Variants in FUBP3 observed in about 807,000 individuals in gnomAD.
The protein encoded by FUBP3 is far upstream element-binding protein 3.
Under a neutral mutation model 85.6 loss-of-function variants are expected in FUBP3, and 28 were observed. The observed-to-expected ratio is 0.33, with a 90% CI of 0.24 to 0.45. The LOEUF (loss-of-function observed/expected upper bound fraction) is 0.45. Among genes scored for constraint, FUBP3 ranks in the 20% least tolerant of loss-of-function variants. The probability of loss-of-function intolerance (pLI) is 1.00; values close to 1 mark genes in which losing one functional copy is unlikely to be tolerated. For missense variants in FUBP3, 583 were observed against 755.1 expected (o/e 0.77, Z 2.67); for synonymous variants, 271 against 271.4 (o/e 1.00, Z 0.01).
At chr9:130,586,137 G>T (rs1830326287) in intron 1 of FUBP3, among the ~76,000 whole-genome samples, 1 of 151,770 alleles carries the variant, frequency 6.6e-6, no homozygotes, top group African/African-American at 2.4e-5. Flanking sequence ...TAGCTGGCAT[G>T]CACCGCCACT....
intron 1 of FUBP3, among the ~76,000 whole-genome samples, chr9:130,589,463 C>T (rs562040856): frequency 6.6e-6 from 1 of 150,712 alleles, no homozygotes; most frequent in East Asian, 2.0e-4. Flanking sequence ...TCTGCCTCAG[C>T]CTCCTGAGTA....
At chr9:130,630,549 T>C (rs1830169603) in intron 12 of FUBP3, 79 bp from the exon 13 acceptor site, 1 of 1,203,628 alleles carries the variant, frequency 8.3e-7, no homozygotes, top group African/African-American at 1.6e-5. Context: ...CGAGTTGTCT[T>C]CTGGAGCCAA....
intron 2 of FUBP3, among the ~76,000 whole-genome samples, chr9:130,602,209 G>C (rs1378690049): frequency 6.6e-6 from 1 of 152,122 alleles, no homozygotes; most frequent in Non-Finnish European, 1.5e-5. Context: ...ACAGGGTTCG[G>C]TACTCTCCAT....
rs1015094682 is a variant in FUBP3, at chr9:130,637,808, T to C, written c.*786T>C. ...TCTATTATCTCAGAAATATAAATAC[T>C]GTTATTTTTAATATTAAGAAATTCA... On this transcript the variant is annotated 3_prime_UTR_variant, in exon 19 of 19. Coordinates refer to ENST00000319725, the MANE Select transcript of FUBP3 (RefSeq NM_003934.2). The C allele has an allele frequency of 3.3e-5, 5 of 152,758 alleles. No homozygotes were observed. The highest frequency in any genetic ancestry group is 2.6e-4 in the Admixed American group (4 of 15,302). 9.5% of individuals were successfully genotyped at this position (152,758 alleles called of 1,614,324 possible). A position where few individuals can be genotyped will look rare whatever the true frequency, so the allele number is the denominator to read the frequency against.
intron 18 of FUBP3, 148 bp downstream of exon 18, chr9:130,636,274 G>C (rs1830415349): frequency 2.5e-6 from 2 of 814,658 alleles, no homozygotes; most frequent in Non-Finnish European, 4.1e-6. Flanking sequence ...TGCTTCTGCT[G>C]AGAGCCCGGC....
chr9:130,631,535 A>C (rs940433808), intron 13 of FUBP3, 22 bp from the exon 14 acceptor site: 5 of 1,597,212 alleles, frequency 3.1e-6, no homozygotes, highest in Admixed American at 1.7e-5. Flanking sequence ...AGCGGGTGAG[A>C]GCTCCCTCTG....
At chr9:130,591,075 G>A (rs189714280) in intron 1 of FUBP3, among the ~76,000 whole-genome samples, 1 of 150,354 alleles carries the variant, frequency 6.7e-6, no homozygotes, top group East Asian at 2.0e-4. Flanking sequence ...AGAGCAGGCT[G>A]TTTCTGCCGC....
intron 18 of FUBP3, 32 bp downstream of exon 18, chr9:130,636,158 T>C: frequency 6.2e-7 from 1 of 1,606,978 alleles, no homozygotes; most frequent in Non-Finnish European, 8.5e-7. Context: ...CCGCTGCCAC[T>C]CCCTAGCCCC....
At position 130,599,373 on chromosome 9, in the gene FUBP3, GTGTGTGTGTGTA is replaced by G. The variant is rs1232951391; in HGVS notation, c.190+3787_190+3798del. Among the ~76,000 whole-genome samples, 5 of 150,154 alleles carry G rather than the reference GTGTGTGTGTGTA, an allele frequency of 3.3e-5. No individual in the cohort carries two copies. The East Asian group carries it at 7.8e-4, about 23-fold the overall frequency. ...TATATAAGTATATGTGTGTGTGTGTGTGTGTGTGTGTATATATATATATATGTAAAGTTTTTT... is the reference window on the plus strand; with the variant it reads ...TATATAAGTATATGTGTGTGTGTGTGTATATATATATATGTAAAGTTTTTT... On this transcript the variant is annotated intron_variant, in intron 2 of 18. Transcript: ENST00000319725.
chr9:130,613,554 TTTTTA>T (rs1462729583), intron 5 of FUBP3, among the ~76,000 whole-genome samples: 1 of 152,170 alleles, frequency 6.6e-6, no homozygotes, highest in Non-Finnish European at 1.5e-5. Flanking sequence ...GAAGAACAAT[TTTTTA>T]TTTTATTTAT....
At chr9:130,603,361 A>AAAC (rs1554738535) in intron 2 of FUBP3, among the ~76,000 whole-genome samples, 14 of 135,196 alleles carry the variant, frequency 1.0e-4, no homozygotes, top group African/African-American at 3.2e-4. Flanking sequence ...AAAAAAAAAA[A>AAAC]AAAAAAACAA....
At chr9:130,611,897 T>G (rs570489340) in intron 3 of FUBP3, among the ~76,000 whole-genome samples, 1 of 152,240 alleles carries the variant, frequency 6.6e-6, no homozygotes, top group South Asian at 2.1e-4. Context: ...TGGTCAACAG[T>G]GATTACGCCT....
rs750329577 is a variant in FUBP3 at position 130,626,410 on chromosome 9, G to A, written c.1022G>A (p.Arg341His). ...GGLAAARGRGRGRGDWSVGAP... is the reference protein window; with the variant it reads ...GGLAAARGRGHGRGDWSVGAP... ...CTGGCAGCAGCCAGAGGAAGAGGTC[G>A]TGGCCGTGGCGACTGGAGCGTGGGA... is the stretch of plus-strand genomic sequence containing the variant. Residue 341 changes from arginine to histidine, a missense_variant, in exon 12 of 19, where the codon CGT becomes CAT. Coordinates refer to ENST00000319725, the MANE Select transcript of FUBP3 (RefSeq NM_003934.2). The A allele has an allele frequency of 1.1e-5, 17 of 1,613,878 alleles. No individual in the cohort carries two copies. Among genetic ancestry groups the A allele is most frequent in the Admixed American group, 5.0e-5 (3 of 59,998 alleles).
At position 130,616,110 on chromosome 9, in the gene FUBP3, G is replaced by A. The variant is rs531853880; in HGVS notation, c.405-245G>A. On this transcript the variant is annotated intron_variant, in intron 6 of 18. Transcript: ENST00000319725. The surrounding 1 kb of genome is among the most constrained non-coding windows in gnomAD (Gnocchi z 4.7). ...AGACACAAGCATGAGCAGAGGGCAG[G>A]CTTGAAAGGGGCGGCAAGGCTCTGT... 6.6e-6 allele frequency among the ~76,000 whole-genome samples: 1 copy of A among 151,498 alleles called. No individual in the cohort carries two copies. The highest frequency in any genetic ancestry group is 2.5e-5 in the African/African-American group (1 of 40,758).
chr9:130,632,370 AGCAGGCCCAGGATGCCCC>A (rs1282104754), intron 16 of FUBP3, 92 bp downstream of exon 16: 1 of 968,110 alleles, frequency 1.0e-6, no homozygotes, highest in African/African-American at 1.6e-5. Flanking sequence ...CAACTCAGCC[AGCAGGCCCAGGATGCCCC>A]TCCCCAAATG....
intron 18 of FUBP3, 132 bp downstream of exon 18, chr9:130,636,258 C>A: frequency 1.1e-6 from 1 of 920,246 alleles, no homozygotes; most frequent in Non-Finnish European, 1.7e-6. Flanking sequence ...AGCTCCTCAG[C>A]GAGGCTGCTT....
At chr9:130,597,476 G>A (rs961960960) in intron 2 of FUBP3, among the ~76,000 whole-genome samples, 4 of 152,146 alleles carry the variant, frequency 2.6e-5, no homozygotes, top group Admixed American at 6.5e-5. Flanking sequence ...CCAGAATTCC[G>A]GCCGCTTGGT....
chr9:130,589,705 A>ATATTTTTT (rs1414691549), intron 1 of FUBP3, among the ~76,000 whole-genome samples: 9 of 73,806 alleles, frequency 1.2e-4, no homozygotes, highest in Admixed American at 1.7e-4. Context: ...ATATATATAT[A>ATATTTTTT]TTTTTTTTTT....
intron 2 of FUBP3, among the ~76,000 whole-genome samples, chr9:130,601,060 TAAAC>T (rs1415783928): frequency 2.0e-5 from 3 of 152,166 alleles, no homozygotes; most frequent in African/African-American, 7.2e-5. Flanking sequence ...AGCATCTACA[TAAAC>T]AAAGAGCATG....
Sources: gnomAD v4.1 joint callset for allele counts (sites outside exome capture counted in the v4.1 genomes callset) on GRCh38, gnomAD v4.1.1 for gene constraint, Gnocchi (gnomAD v3.1) non-coding constraint, MANE v1.5 for transcripts, NCBI Gene and HGNC (gene_info 2026-07-23, HGNC 2026-07-21) for gene names.